Variants in RNF212B observed in about 807,000 individuals in gnomAD.
RNF212B encodes the protein ring finger protein 212B.
A neutral mutation model predicts 55.5 loss-of-function variants in RNF212B; 52 were observed. That is an observed-to-expected ratio of 0.94 (90% CI 0.75 to 1.18). The LOEUF is 1.18. Among genes scored for constraint, RNF212B ranks in the 50% most tolerant of loss-of-function variants. RNF212B has a pLI of 0.00. For synonymous variants in RNF212B, 99 were observed against 121.4 expected, an observed-to-expected ratio of 0.82 and a Z score of 1.21; for missense variants, 289 against 350.4, an observed-to-expected ratio of 0.82 and a Z score of 1.40.
intron 2 of RNF212B, among the ~76,000 whole-genome samples, chr14:23,215,837 T>C (rs2140398471): frequency 6.6e-6 from 1 of 152,328 alleles, no homozygotes; most frequent in South Asian, 2.1e-4. Flanking sequence ...TGACTATCCT[T>C]CTCCTAGTCC....
chr14:23,205,113 T>G (rs1338424239), intron 2 of RNF212B, among the ~76,000 whole-genome samples: 3 of 152,126 alleles, frequency 2.0e-5, no homozygotes, highest in Non-Finnish European at 4.4e-5. Flanking sequence ...GACTAAACAT[T>G]TACTATAAAA....
At chr14:23,235,575 C>G (rs1163375694), upstream of RNF212B, among the ~76,000 whole-genome samples, 1 of 152,196 alleles carries the variant, frequency 6.6e-6, no homozygotes, top group Non-Finnish European at 1.5e-5. Context: ...AAAATTCAAG[C>G]TTTCAGATGA....
At chr14:23,256,945 G>T (rs947573525) in intron 4 of RNF212B, among the ~76,000 whole-genome samples, 2 of 151,998 alleles carry the variant, frequency 1.3e-5, no homozygotes, top group Admixed American at 6.5e-5. Flanking sequence ...ACGAGGTCAG[G>T]AGTTCGAGAC....
chr14:23,257,525 T>C (rs560540762), intron 4 of RNF212B, among the ~76,000 whole-genome samples: 7 of 152,116 alleles, frequency 4.6e-5, no homozygotes, highest in African/African-American at 1.7e-4. Context: ...AAAAAGTTTA[T>C]GAGAAGAGTA....
chr14:23,230,608 C>A (rs1030200949), intron 2 of RNF212B, among the ~76,000 whole-genome samples: 5 of 133,146 alleles, frequency 3.8e-5, no homozygotes, highest in Non-Finnish European at 7.6e-5. Flanking sequence ...GAGCCGAGAT[C>A]GCGCCACTGC....
chr14:23,272,772 C>G, intron 14 of RNF212B, 51 bp from the exon 15 acceptor site: 2 of 1,185,378 alleles, frequency 1.7e-6, no homozygotes, highest in Middle Eastern at 5.0e-4. Flanking sequence ...ACTTGCTTGC[C>G]CTTTTTGCTG....
At chr14:23,209,236 AT>A (rs934168608) in intron 2 of RNF212B, among the ~76,000 whole-genome samples, 1 of 152,142 alleles carries the variant, frequency 6.6e-6, no homozygotes. Flanking sequence ...TCTCGTAGCC[AT>A]TTTGGTTTTG....
intron 7 of RNF212B, among the ~76,000 whole-genome samples, chr14:23,261,620 C>T (rs572226173): frequency 1.1e-4 from 17 of 152,224 alleles, no homozygotes; most frequent in Admixed American, 2.0e-4. Flanking sequence ...TATATACCAC[C>T]GGTCCTTTCT....
intron 2 of RNF212B, among the ~76,000 whole-genome samples, chr14:23,211,958 C>T (rs1880562476): frequency 6.6e-6 from 1 of 152,174 alleles, no homozygotes; most frequent in African/African-American, 2.4e-5. Flanking sequence ...GAAGTCCTGA[C>T]CTCAAGTTAT....
intron 12 of RNF212B, 29 bp from the exon 13 acceptor site, chr14:23,269,834 C>A: frequency 7.9e-7 from 1 of 1,258,996 alleles, no homozygotes; most frequent in Non-Finnish European, 1.1e-6. Context: ...GTCCTTTTCT[C>A]TGCTGATGCT....
rs369041359 is a variant in RNF212B, at chr14:23,203,293, A to G, written c.-2+9892A>G. ...ACAATAATAGTCTCCAATCTCATCT[A>G]CCACAATTTCTTTATCCACTTGTTG... On this transcript the variant is annotated intron_variant, in intron 2 of 15. Transcript: ENST00000399910. Among the ~76,000 whole-genome samples the G allele has an allele frequency of 2.6e-4, 39 of 152,156 alleles. No individual in the cohort carries two copies. The East Asian group carries it at 3.1e-3, about 12-fold the overall frequency.
intron 1 of RNF212B, among the ~76,000 whole-genome samples, chr14:23,191,164 G>A (rs999542957): frequency 6.6e-6 from 1 of 152,022 alleles, no homozygotes; most frequent in African/African-American, 2.4e-5. Flanking sequence ...GACCAGCCTG[G>A]CCAACAAGGC....
At chr14:23,233,046 A>C (rs1882829399), upstream of RNF212B, among the ~76,000 whole-genome samples, 1 of 152,242 alleles carries the variant, frequency 6.6e-6, no homozygotes. Flanking sequence ...AGGAGACTCC[A>C]TTTTGTTCTG....
Position 23,268,928 on chromosome 14 carries a change from CCCTTCACCGGCTTCAACTCATAGCCTAT to C in RNF212B, c.641_668del (p.Pro214LeufsTer44). 6.5e-7 allele frequency: 1 copy of C among 1,550,364 alleles called. No individual in the cohort carries two copies. The highest frequency in any genetic ancestry group is 8.7e-7 in the Non-Finnish European group (1 of 1,146,482). ...GCTTATTTTTATGCTTTCCAGAAAC[CCCTTCACCGGCTTCAACTCATAGCCTAT>C]CTTATAGGTCAGTAACACTATGCTT... On this transcript the variant is annotated frameshift_variant, in exon 12 of 15. Transcript: ENST00000430154. LOFTEE classifies it high-confidence loss of function.
In RNF212B at chr14:23,220,826, A is replaced by AC. The variant is rs925083936; in HGVS notation, c.-1-19519_-1-19518insC. On this transcript the variant is annotated intron_variant, in intron 2 of 15. Coordinates refer to the RNF212B transcript ENST00000399910. ...GGAGACAGAGCAAGACTCCATCAAA[A>AC]AAAACAAAACAAAACAAAAAACAAA... Among the ~76,000 whole-genome samples, 1,291 of 152,252 alleles carry AC rather than the reference A, an allele frequency of 8.5e-3. 23 individuals carry two copies. The highest frequency in any genetic ancestry group is 0.029 in the African/African-American group (1,221 of 41,524).
intron 2 of RNF212B, among the ~76,000 whole-genome samples, chr14:23,232,779 G>A (rs1331238085): frequency 1.5e-5 from 2 of 136,024 alleles, no homozygotes; most frequent in Non-Finnish European, 3.2e-5. Flanking sequence ...CGTCTGGGAG[G>A]GAGGTGGGGG....
intron 2 of RNF212B, among the ~76,000 whole-genome samples, chr14:23,242,108 G>GAAAAAGA (rs71425076): frequency 0.027 from 2,982 of 108,636 alleles, 18 homozygotes; most frequent in Middle Eastern, 0.038. Flanking sequence ...AAAAAAAAAA[G>GAAAAAGA]AAAAGAAAAA....
At chr14:23,254,889 G>A (rs1005332427) in intron 4 of RNF212B, among the ~76,000 whole-genome samples, 7 of 151,992 alleles carry the variant, frequency 4.6e-5, no homozygotes, top group African/African-American at 1.7e-4. Context: ...GTTTTAATAT[G>A]CTCTCTCAAG....
chr14:23,241,137 G>A (rs946344269), intron 2 of RNF212B, among the ~76,000 whole-genome samples: 1 of 152,168 alleles, frequency 6.6e-6, no homozygotes, highest in African/African-American at 2.4e-5. Flanking sequence ...CACAGAAGGA[G>A]TGATTCTTCA....
Sources: gnomAD v4.1 joint callset for allele counts (sites outside exome capture counted in the v4.1 genomes callset) on GRCh38, gnomAD v4.1.1 for gene constraint, MANE v1.5 for transcripts, NCBI Gene and HGNC (gene_info 2026-07-23, HGNC 2026-07-21) for gene names.